Variants in HECTD4 observed in about 807,000 individuals in gnomAD.
The protein encoded by HECTD4 is probable E3 ubiquitin-protein ligase HECTD4.
Under a neutral mutation model 471.5 loss-of-function variants are expected in HECTD4, and 114 were observed. The ratio of observed to expected loss-of-function variants is 0.24; its 90% CI spans 0.21 to 0.28. The LOEUF (loss-of-function observed/expected upper bound fraction) is 0.28. Among genes scored for constraint, HECTD4 ranks in the 10% least tolerant of loss-of-function variants. The pLI is 1.00. For missense variants in HECTD4, 3,866 were observed against 5,651.5 expected (o/e 0.68, Z 10.13); for synonymous variants, 2,012 against 2,256.0 (o/e 0.89, Z 3.07).
intron 1 of HECTD4, among the ~76,000 whole-genome samples, chr12:112,338,622 A>T (rs971649230): frequency 2.6e-5 from 4 of 152,154 alleles, no homozygotes; most frequent in African/African-American, 9.7e-5. Context: ...TCTATCTCAA[A>T]AAAAGAAAGA....
chr12:112,352,074 T>C (rs976484213), intron 1 of HECTD4, among the ~76,000 whole-genome samples: 3 of 152,364 alleles, frequency 2.0e-5, no homozygotes, highest in Middle Eastern at 3.4e-3. Flanking sequence ...GGGAAACTAA[T>C]AACTTTTCCT....
chr12:112,377,646 A>G (rs2036807214), intron 1 of HECTD4, among the ~76,000 whole-genome samples: 1 of 152,192 alleles, frequency 6.6e-6, no homozygotes, highest in African/African-American at 2.4e-5. Flanking sequence ...TAAGGAAAGC[A>G]GATTATTTGA....
chr12:112,241,086 G>T (rs2033633091), intron 32 of HECTD4, among the ~76,000 whole-genome samples: 1 of 152,168 alleles, frequency 6.6e-6, no homozygotes, highest in South Asian at 2.1e-4. Flanking sequence ...GACATCTACA[G>T]TTAGAACACA....
intron 43 of HECTD4, among the ~76,000 whole-genome samples, chr12:112,227,759 G>T (rs1048056295): frequency 6.6e-6 from 1 of 152,092 alleles, no homozygotes; most frequent in Non-Finnish European, 1.5e-5. Flanking sequence ...CTGCCTCAAG[G>T]TAGTAGAGTT....
In HECTD4 at chr12:112,213,692, AT is replaced by A. The variant is rs1311554290; in HGVS notation, c.7466-1043del. ...CAGAGCAAGACTCCGTCTCAAAAAA[AT>A]ATATACATATATATATATATATATA... On this transcript the variant is annotated intron_variant, in intron 48 of 75. Coordinates refer to ENST00000682272, the MANE Select transcript of HECTD4 (RefSeq NM_001388303.1). The surrounding 1 kb of genome is among the most constrained non-coding windows in gnomAD (Gnocchi z 4.0). Among the ~76,000 whole-genome samples, 3 of 128,954 alleles carry A rather than the reference AT, an allele frequency of 2.3e-5. No individual in the cohort carries two copies. The highest frequency in any genetic ancestry group is 3.2e-5 in the African/African-American group (1 of 31,244). The allele number at this position is 128,954 out of a possible 152,430, so 84.6% of individuals were successfully genotyped here.
At chr12:112,313,481 ATTTTTTTTTTT>A (rs34438364) in intron 3 of HECTD4, among the ~76,000 whole-genome samples, 91 of 58,936 alleles carry the variant, frequency 1.5e-3, no homozygotes, top group African/African-American at 6.4e-3. Flanking sequence ...TGCCCGGCTA[ATTTTTTTTTTT>A]TTTTTTTTTT....
chr12:112,200,864 CGTGTGTGTGTGCGTGCGTGCGT>C (rs904389879), intron 54 of HECTD4, 66 bp from the exon 55 acceptor site: 115 of 1,394,048 alleles, frequency 8.2e-5, no homozygotes, highest in Middle Eastern at 5.7e-4. Flanking sequence ...TGCGTGCGTG[CGTGTGTGTGTGCGTGCGTGCGT>C]GTGTGTGTGT....
At chr12:112,267,315 A>G (rs1431480751) in intron 13 of HECTD4, 3 of 226,168 alleles carry the variant, frequency 1.3e-5, no homozygotes, top group Non-Finnish European at 2.6e-5. Context: ...CAAGATGTCA[A>G]TTGATTACAT....
At chr12:112,212,865 G>A (rs1248854918) in intron 48 of HECTD4, among the ~76,000 whole-genome samples, 1 of 152,042 alleles carries the variant, frequency 6.6e-6, no homozygotes, top group Non-Finnish European at 1.5e-5. Context: ...GTGCCATCTC[G>A]GCTCACTGCA....
chr12:112,291,632 G>A (rs1177607295), intron 7 of HECTD4, among the ~76,000 whole-genome samples: 3 of 152,204 alleles, frequency 2.0e-5, no homozygotes, highest in Admixed American at 2.0e-4. Flanking sequence ...CAGCACTTTG[G>A]GAGGCCGAGG....
chr12:112,176,491 A>G (rs746349172), intron 65 of HECTD4, 105 bp downstream of exon 65: 48 of 751,674 alleles, frequency 6.4e-5, no homozygotes, highest in Non-Finnish European at 1.0e-4. Flanking sequence ...CCATCCCAGT[A>G]GGAGTGGCCA....
At chr12:112,189,567 A>AAAAAAAAAG in intron 60 of HECTD4, among the ~76,000 whole-genome samples, 1 of 151,074 alleles carries the variant, frequency 6.6e-6, no homozygotes, top group African/African-American at 2.4e-5. Flanking sequence ...AAAAAAAAAA[A>AAAAAAAAAG]AAAAAAAAGA....
intron 14 of HECTD4, 53 bp downstream of exon 14, chr12:112,266,859 T>A: frequency 2.2e-6 from 2 of 892,732 alleles, no homozygotes; most frequent in African/African-American, 1.7e-5. Context: ...AGTTGTTTCC[T>A]TGGGGACAAA....
In HECTD4 at chr12:112,173,420, C is replaced by T. The variant is rs569008477; in HGVS notation, c.11595-559G>A. On this transcript the variant is annotated intron_variant, in intron 66 of 75. Transcript: ENST00000682272. This position sits in a 1 kb window ranked among gnomAD's most constrained non-coding sequence, Gnocchi z 4.3. ...TTATTTATTTTTTGAGATGGAGTCT[C>T]GCTCTATCGCCCAGGCTGGAGTGCA... 4.0e-5 allele frequency among the ~76,000 whole-genome samples: 6 copies of T among 151,836 alleles called. No individual in the cohort carries two copies. Among genetic ancestry groups the T allele is most frequent in the African/African-American group, 1.2e-4 (5 of 41,388 alleles).
chr12:112,210,026 G>A lies in HECTD4; in HGVS notation c.7856C>T (p.Thr2619Ile). The A allele has an allele frequency of 6.2e-7, 1 of 1,613,166 alleles. No homozygotes were observed. Among genetic ancestry groups the A allele is most frequent in the Non-Finnish European group, 8.5e-7 (1 of 1,179,452 alleles). The change falls in exon 50 of 76, where the codon ACC (threonine) becomes ATC (isoleucine). Residue 2619 changes from threonine to isoleucine, a missense_variant. Physicochemically the swap from Thr to Ile is moderately conservative, Grantham distance 89. Coordinates refer to ENST00000682272, the MANE Select transcript of HECTD4 (RefSeq NM_001388303.1). ...GPPCRIAAVA[T>I]AQQQYDSDTS... is the part of the protein sequence containing the mutation. ...AGGAGGTGACTTACGTTGCTGAGCG[G>A]TGGCCACGGCAGCAATCCGGCATGG...
In HECTD4 at chr12:112,217,106, C is replaced by T; in HGVS notation, c.7164G>A (p.Leu2388=). 6.3e-7 allele frequency: 1 copy of T among 1,594,672 alleles called. No individual in the cohort carries two copies. Among genetic ancestry groups the T allele is most frequent in the South Asian group, 1.1e-5 (1 of 88,052 alleles). The change falls in exon 46 of 76, where the codon CTG becomes CTA. Residue 2388 remains leucine, a synonymous_variant. Coordinates refer to ENST00000682272, the MANE Select transcript of HECTD4 (RefSeq NM_001388303.1). The stretch of plus-strand genomic sequence containing the variant: ...GGCCTCCCCCAGCGCTGGGGTCAGC[C>T]AGGAAGGTGACTGAGGTAAGGTGAG... ...FSSHLTSVTF[L]ADPSAGGGLP... is the part of the protein sequence containing the mutation.
chr12:112,371,714 C>G (rs2036675374), intron 1 of HECTD4, among the ~76,000 whole-genome samples: 1 of 151,868 alleles, frequency 6.6e-6, no homozygotes, highest in South Asian at 2.1e-4. Flanking sequence ...TGGAGAAACC[C>G]CGTCTCTACT....
intron 3 of HECTD4, among the ~76,000 whole-genome samples, chr12:112,314,123 C>G (rs1566108451): frequency 6.6e-6 from 1 of 152,134 alleles, no homozygotes; most frequent in Non-Finnish European, 1.5e-5. Flanking sequence ...ACTGTAACCT[C>G]TGCTTCCTAG....
At chr12:112,220,774 G>A (rs2033064681) in intron 44 of HECTD4, among the ~76,000 whole-genome samples, 1 of 151,996 alleles carries the variant, frequency 6.6e-6, no homozygotes, top group African/African-American at 2.4e-5. Flanking sequence ...TCCAGCCTGG[G>A]TGACAGAGTG....
Sources: gnomAD v4.1 joint callset for allele counts (sites outside exome capture counted in the v4.1 genomes callset) on GRCh38, gnomAD v4.1.1 for gene constraint, Gnocchi (gnomAD v3.1) non-coding constraint, MANE v1.5 for transcripts, NCBI Gene and HGNC (gene_info 2026-07-23, HGNC 2026-07-21) for gene names.